Variants in TMEM132C observed in about 807,000 individuals in gnomAD.
TMEM132C encodes transmembrane protein 132C.
TMEM132C carries 29 observed loss-of-function variants against 61.4 expected under a neutral mutation model. The ratio of observed to expected loss-of-function variants is 0.47; its 90% CI spans 0.35 to 0.64. The LOEUF (loss-of-function observed/expected upper bound fraction) is 0.64. Ranked by LOEUF, TMEM132C falls within the 30% of genes least tolerant of loss-of-function variation. TMEM132C has a pLI of 0.00. For synonymous variants in TMEM132C, 656 were observed against 633.1 expected (o/e 1.04, Z -0.54); for missense variants, 1,408 against 1,476.9 (o/e 0.95, Z 0.76).
At chr12:128,434,444 G>A (rs1485294003) in intron 2 of TMEM132C, among the ~76,000 whole-genome samples, 9 of 152,062 alleles carry the variant, frequency 5.9e-5, no homozygotes, top group South Asian at 4.2e-4. Context: ...AGGATTACAG[G>A]TGCCTGCTAA....
At chr12:128,332,935 A>C (rs1169196700) in intron 1 of TMEM132C, among the ~76,000 whole-genome samples, 6 of 152,230 alleles carry the variant, frequency 3.9e-5, no homozygotes. Flanking sequence ...TTGCTAAAGA[A>C]AATGTGAATT....
intron 4 of TMEM132C, among the ~76,000 whole-genome samples, chr12:128,650,510 G>A (rs1286140783): frequency 3.3e-5 from 5 of 152,074 alleles, no homozygotes; most frequent in Non-Finnish European, 2.9e-5. Context: ...GATTGCTTGA[G>A]GCCAGGAGTT....
At chr12:128,523,388 A>G (rs1273139636) in intron 2 of TMEM132C, among the ~76,000 whole-genome samples, 6 of 152,194 alleles carry the variant, frequency 3.9e-5, no homozygotes, top group Admixed American at 1.3e-4. Context: ...ACTCAACTGT[A>G]TGCTTAAAAA....
chr12:128,340,151 T>C (rs1246254853), intron 1 of TMEM132C, among the ~76,000 whole-genome samples: 1 of 152,184 alleles, frequency 6.6e-6, no homozygotes, highest in Admixed American at 6.5e-5. Context: ...CTGTGGAAAG[T>C]ATGGGGATGT....
chr12:128,363,804 C>T (rs1022319502), intron 1 of TMEM132C, among the ~76,000 whole-genome samples: 1 of 145,406 alleles, frequency 6.9e-6, no homozygotes, highest in African/African-American at 2.6e-5. Flanking sequence ...GAGATCACAT[C>T]ACTACACTGC....
chr12:128,459,009 T>C (rs1011539767), intron 2 of TMEM132C, among the ~76,000 whole-genome samples: 1 of 152,144 alleles, frequency 6.6e-6, no homozygotes, highest in Non-Finnish European at 1.5e-5. Flanking sequence ...GGGTAAATCA[T>C]TGAGACCACT....
chr12:128,357,692 C>CAAA (rs751246246), intron 1 of TMEM132C, among the ~76,000 whole-genome samples: 1 of 71,276 alleles, frequency 1.4e-5, no homozygotes, highest in South Asian at 4.9e-4. Flanking sequence ...GACTCCGTCT[C>CAAA]AAAAAAAAAA....
chr12:128,348,662 C>T (rs575196695), intron 1 of TMEM132C, among the ~76,000 whole-genome samples: 10 of 152,316 alleles, frequency 6.6e-5, no homozygotes, highest in African/African-American at 2.2e-4. Flanking sequence ...TTCCTAAAAC[C>T]TGAGGCTTAT....
chr12:128,538,726 C>CT (rs1327914142), intron 2 of TMEM132C, among the ~76,000 whole-genome samples: 1 of 152,012 alleles, frequency 6.6e-6, no homozygotes, highest in African/African-American at 2.4e-5. Context: ...GATGTTGACA[C>CT]TTTTTTTTAG....
intron 1 of TMEM132C, among the ~76,000 whole-genome samples, chr12:128,329,399 C>A (rs1253400469): frequency 2.0e-5 from 3 of 152,224 alleles, no homozygotes; most frequent in African/African-American, 7.2e-5. Flanking sequence ...CCGAGGACTG[C>A]AAAGCCTTCT....
chr12:128,407,018 A>G (rs1875370532), intron 1 of TMEM132C, among the ~76,000 whole-genome samples: 1 of 152,238 alleles, frequency 6.6e-6, no homozygotes. Flanking sequence ...TTCCACATGG[A>G]AAGCATTTAA....
At chr12:128,536,405 G>T (rs1005299085) in intron 2 of TMEM132C, among the ~76,000 whole-genome samples, 2 of 152,092 alleles carry the variant, frequency 1.3e-5, no homozygotes, top group African/African-American at 2.4e-5. Context: ...GTGGGGGGCT[G>T]GGGGAGGGAT....
rs145733023 is a variant in TMEM132C at position 128,329,904 on chromosome 12, A to G, written c.85+62417A>G. Among the ~76,000 whole-genome samples, 931 of 152,260 alleles carry G rather than the reference A, an allele frequency of 6.1e-3. 11 individuals are homozygous for G. Among genetic ancestry groups the G allele is most frequent in the African/African-American group, 0.021 (878 of 41,546 alleles). ...GTTCGATTTGTCCCGTTGAATGGAA[A>G]CTTGTAAAATACGGCTGCGAGGAAG... On this transcript the variant is annotated intron_variant, in intron 1 of 8. Transcript: ENST00000435159.
chr12:128,563,394 G>A (rs1874588937), intron 3 of TMEM132C, among the ~76,000 whole-genome samples: 1 of 152,152 alleles, frequency 6.6e-6, no homozygotes. Context: ...GGACAGAAGT[G>A]GGCTTGTAAA....
chr12:128,550,750 G>T lies in TMEM132C; in HGVS notation c.1121+6647G>T, dbSNP rs182370791. 3.0e-4 allele frequency among the ~76,000 whole-genome samples: 46 copies of T among 152,292 alleles called. No homozygotes were observed. In the East Asian group the frequency reaches 8.1e-3, roughly 27 times the overall value. Reference sequence around the variant, plus strand: ...GGCTTTGTGAGATGAATTTTGGAGGGAACAATTCAGTCTGTAATCATGGGG... The same window carrying T: ...GGCTTTGTGAGATGAATTTTGGAGGTAACAATTCAGTCTGTAATCATGGGG... On this transcript the variant is annotated intron_variant, in intron 3 of 8. Coordinates refer to ENST00000435159, the MANE Select transcript of TMEM132C (RefSeq NM_001136103.3).
chr12:128,472,297 C>G (rs982898591), intron 2 of TMEM132C, among the ~76,000 whole-genome samples: 3 of 152,212 alleles, frequency 2.0e-5, no homozygotes, highest in Non-Finnish European at 4.4e-5. Flanking sequence ...TATAAACAAG[C>G]AGTATAATCT....
intron 1 of TMEM132C, among the ~76,000 whole-genome samples, chr12:128,343,222 G>A (rs1026190552): frequency 4.6e-5 from 7 of 152,058 alleles, no homozygotes; most frequent in Non-Finnish European, 8.8e-5. Context: ...TCAAGAGATT[G>A]AGACCATCCT....
At chr12:128,391,549 A>AT (rs1324826136) in intron 1 of TMEM132C, among the ~76,000 whole-genome samples, 2 of 152,346 alleles carry the variant, frequency 1.3e-5, no homozygotes, top group East Asian at 3.9e-4. Context: ...CCTAGTTAGC[A>AT]TTTAACGAAC....
chr12:128,433,387 T>G (rs1278008148), intron 2 of TMEM132C, among the ~76,000 whole-genome samples: 1 of 152,228 alleles, frequency 6.6e-6, no homozygotes, highest in African/African-American at 2.4e-5. Flanking sequence ...TTGTGAAAGC[T>G]TTCCCCTTCT....
Sources: allele counts gnomAD v4.1 joint callset (sites outside exome capture counted in the v4.1 genomes callset), GRCh38; gene constraint gnomAD v4.1.1; transcripts MANE v1.5; gene names NCBI Gene and HGNC (gene_info 2026-07-23, HGNC 2026-07-21).